PARP10: variants seen among roughly 807,000 people sequenced by gnomAD.
The protein encoded by PARP10 is protein mono-ADP-ribosyltransferase PARP10.
A neutral mutation model predicts 82.4 loss-of-function variants in PARP10; 56 were observed. The observed-to-expected ratio is 0.68, with a 90% confidence interval of 0.55 to 0.85. The LOEUF (loss-of-function observed/expected upper bound fraction) is 0.85. Ranked by LOEUF, PARP10 falls within the 40% of genes least tolerant of loss-of-function variation. The probability of loss-of-function intolerance (pLI) is 0.00; values close to 1 mark genes in which losing one functional copy is unlikely to be tolerated. For synonymous variants in PARP10, 576 were observed against 601.1 expected (o/e 0.96, Z 0.61); for missense variants, 1,227 against 1,379.4 (o/e 0.89, Z 1.75).
chr8:143,986,274 C>T, intron 1 of PARP10, 41 bp from the exon 2 acceptor site: 1 of 1,613,348 alleles, frequency 6.2e-7, no homozygotes, highest in Non-Finnish European at 8.5e-7. Flanking sequence ...CAGCCCATTC[C>T]ACCCCTCCTG....
rs1554749177 is a variant in PARP10 at position 143,985,780 on chromosome 8, A to G, written c.377T>C (p.Leu126Ser). The G allele has an allele frequency of 6.2e-7, 1 of 1,611,856 alleles. No individual in the cohort carries two copies. The highest frequency in any genetic ancestry group is 1.7e-5 in the Admixed American group (1 of 59,970). Residue 126 changes from leucine to serine, a missense_variant, in exon 3 of 11, where the codon TTG becomes TCG. Physicochemically the swap from Leu to Ser is moderately radical, Grantham distance 145. Transcript: ENST00000313028. ...AGCCCGGTCTGGCCGGGGGCTGGCC[A>G]AGGCACAGCAAGGCTGTACTGGGAG... ...SGLPVQPCCA[L>S]ASPRPDRALV... is the part of the protein sequence containing the mutation.
At chr8:144,009,887 T>G (rs1379232211) in intron 1 of PARP10, among the ~76,000 whole-genome samples, 1 of 152,152 alleles carries the variant, frequency 6.6e-6, no homozygotes, top group African/African-American at 2.4e-5. Context: ...TCCACCTCCA[T>G]GGCACCACCT....
intron 9 of PARP10, among the ~76,000 whole-genome samples, chr8:143,980,594 C>T (rs1290389044): frequency 4.0e-5 from 6 of 151,130 alleles, no homozygotes; most frequent in Non-Finnish European, 7.4e-5. Context: ...TTCACATATA[C>T]GTAAATTTAA....
chr8:143,991,838 G>A (rs782683362), upstream of PARP10: 6 of 1,605,178 alleles, frequency 3.7e-6, no homozygotes, highest in South Asian at 1.1e-5. Context: ...GGTGGGGGCT[G>A]TGGCTCCCAG....
chr8:143,992,892 C>T (rs782584004), upstream of PARP10: 15 of 1,557,576 alleles, frequency 9.6e-6, no homozygotes, highest in Middle Eastern at 1.7e-4. Context: ...GGCCTGGACC[C>T]TGCCCCTGGC....
At chr8:143,998,653 C>G (rs1414032898) in intron 1 of PARP10, among the ~76,000 whole-genome samples, 1 of 152,100 alleles carries the variant, frequency 6.6e-6, no homozygotes, top group Non-Finnish European at 1.5e-5. Flanking sequence ...AGAATTTTCC[C>G]AGACAATTGG....
At position 143,977,281 on chromosome 8, in the gene PARP10, TG is replaced by T; in HGVS notation, c.*202del. 1.7e-6 allele frequency: 1 copy of T among 585,620 alleles called. No individual in the cohort carries two copies. The highest frequency in any genetic ancestry group is 2.9e-6 in the Non-Finnish European group (1 of 341,062). The allele number at this position is 585,620 out of a possible 1,614,324, so 36.3% of individuals were successfully genotyped here. On this transcript the variant is annotated 3_prime_UTR_variant, in exon 11 of 11. Transcript: ENST00000313028. ...CCTGGGCTCTGCTGACCCCTGGTGG[TG>T]GGGTCGGCCCAGGCTGGGACCTAGC...
At chr8:144,005,178 C>CAA (rs797022778) in intron 1 of PARP10, among the ~76,000 whole-genome samples, 10 of 90,414 alleles carry the variant, frequency 1.1e-4, no homozygotes, top group African/African-American at 2.7e-4. Flanking sequence ...GACTCAGTCT[C>CAA]AAAAAAAAAA....
At chr8:143,992,867 T>C, upstream of PARP10, 1 of 1,608,318 alleles carries the variant, frequency 6.2e-7, no homozygotes, top group Non-Finnish European at 8.5e-7. Flanking sequence ...CTGTGCCCGC[T>C]CAGGTGGCAC....
intron 1 of PARP10, among the ~76,000 whole-genome samples, chr8:144,002,833 A>G (rs1834211154): frequency 6.6e-6 from 1 of 152,166 alleles, no homozygotes; most frequent in African/African-American, 2.4e-5. Context: ...ATAAAAAAAT[A>G]AGGGAGCCCA....
chr8:143,988,131 T>C (rs1262428255), upstream of PARP10, among the ~76,000 whole-genome samples: 1 of 139,522 alleles, frequency 7.2e-6, no homozygotes, highest in South Asian at 2.3e-4. Context: ...CCCTCTGGCA[T>C]GATCTCCCTT....
At chr8:143,990,005 G>A (rs923854188), upstream of PARP10, 13 of 146,376 alleles carry the variant, frequency 8.9e-5, no homozygotes, top group Admixed American at 8.2e-4. This position sits in a 1 kb window ranked among gnomAD's most constrained non-coding sequence, Gnocchi z 5.6. Flanking sequence ...CCGCCCACCT[G>A]CCCCTCCCAC....
At chr8:143,991,555 C>G (rs782511266), upstream of PARP10, 17 of 1,584,422 alleles carry the variant, frequency 1.1e-5, no homozygotes, top group African/African-American at 1.4e-5. Context: ...CCCTTCCCCC[C>G]CAACCCCTAT....
At chr8:143,987,414 C>T (rs1554749602), upstream of PARP10, among the ~76,000 whole-genome samples, 1 of 152,240 alleles carries the variant, frequency 6.6e-6, no homozygotes, top group East Asian at 1.9e-4. Flanking sequence ...CCTGCACATG[C>T]CACACCTCTG....
exon 1 of PARP10, chr8:144,012,594 T>G (rs956780551): frequency 1.3e-6 from 2 of 1,551,654 alleles, no homozygotes; most frequent in East Asian, 4.9e-5. Context: ...ACTGAAGAAG[T>G]TGGTGCGGCT....
At chr8:144,003,906 A>G (rs1444371701) in intron 1 of PARP10, among the ~76,000 whole-genome samples, 1 of 152,032 alleles carries the variant, frequency 6.6e-6, no homozygotes, top group African/African-American at 2.4e-5. Context: ...GTGGTGACAC[A>G]TGCCTATAGT....
upstream of PARP10, chr8:143,989,388 C>A (rs2133059197): frequency 2.0e-5 from 3 of 152,300 alleles, no homozygotes; most frequent in East Asian, 5.8e-4. The surrounding 1 kb of genome is among the most constrained non-coding windows in gnomAD (Gnocchi z 4.3). Context: ...AACAAGACAT[C>A]GTATTTGTTA....
At position 143,985,087 on chromosome 8, in the gene PARP10, C is replaced by G. The variant is rs1554748920; in HGVS notation, c.915G>C (p.Gly305=). 6.2e-7 allele frequency: 1 copy of G among 1,613,974 alleles called. No homozygotes were observed. The highest frequency in any genetic ancestry group is 1.1e-5 in the South Asian group (1 of 91,088). Residue 305 remains glycine (G), a synonymous_variant, in exon 5 of 11, where the codon GGG becomes GGC. Transcript: ENST00000313028. ...CCATGGGACCTGTCCTCAGAGAGGC[C>G]CCTGACTGCCCTGGTTCCTCGCCAG... ...MGSGEEPGQS[G]ASLRTGPMVQ... is the part of the protein sequence containing the mutation.
At chr8:144,000,908 GTTTTTTTTTT>G (rs781813743) in intron 1 of PARP10, among the ~76,000 whole-genome samples, 1 of 48,036 alleles carries the variant, frequency 2.1e-5, no homozygotes, top group Admixed American at 1.9e-4. Context: ...TTGTGTGTGT[GTTTTTTTTTT>G]TTTTTTTTTT....
Sources: gnomAD v4.1 joint callset for allele counts (sites outside exome capture counted in the v4.1 genomes callset) on GRCh38, gnomAD v4.1.1 for gene constraint, Gnocchi (gnomAD v3.1) non-coding constraint, MANE v1.5 for transcripts, NCBI Gene and HGNC (gene_info 2026-07-23, HGNC 2026-07-21) for gene names.